PPP1R42: variants seen among roughly 807,000 people sequenced by gnomAD.
The protein encoded by PPP1R42 is protein phosphatase 1 regulatory subunit 42.
A neutral mutation model predicts 31.0 loss-of-function variants in PPP1R42; 34 were observed. The observed-to-expected ratio is 1.10, with a 90% CI of 0.83 to 1.46. PPP1R42 has a LOEUF of 1.46. PPP1R42 is among the 40% of genes most tolerant of loss of function. The pLI is 0.00. For missense variants in PPP1R42, 268 were observed against 303.0 expected (o/e 0.88, Z 0.86); for synonymous variants, 103 against 109.8 (o/e 0.94, Z 0.39).
intron 7 of PPP1R42, among the ~76,000 whole-genome samples, chr8:66,981,155 C>T (rs1297311934): frequency 6.6e-6 from 1 of 151,532 alleles, no homozygotes; most frequent in Non-Finnish European, 1.5e-5. Context: ...CTAGTCAGTT[C>T]TTGGATGCTC....
At chr8:66,996,291 A>G (rs369044359) in intron 5 of PPP1R42, among the ~76,000 whole-genome samples, 2 of 152,180 alleles carry the variant, frequency 1.3e-5, no homozygotes, top group Non-Finnish European at 2.9e-5. Context: ...AGCTCAATCA[A>G]TCCTCCTGCC....
chr8:67,001,352 T>G (rs1434694611), intron 5 of PPP1R42, among the ~76,000 whole-genome samples: 1 of 149,540 alleles, frequency 6.7e-6, no homozygotes, highest in Admixed American at 6.6e-5. Context: ...CGGTTAAGAT[T>G]GGATTTAAAA....
At chr8:66,965,565 T>TA (rs1814357106) in intron 7 of PPP1R42, among the ~76,000 whole-genome samples, 1 of 151,112 alleles carries the variant, frequency 6.6e-6, no homozygotes, top group Non-Finnish European at 1.5e-5. Flanking sequence ...CCTTCCACCC[T>TA]AGCCTCCCAA....
At chr8:67,027,479 A>G (rs1054203647) in intron 1 of PPP1R42, among the ~76,000 whole-genome samples, 1 of 152,200 alleles carries the variant, frequency 6.6e-6, no homozygotes, top group Non-Finnish European at 1.5e-5. Flanking sequence ...GAATATGGAA[A>G]AGGAGAGAAC....
chr8:66,988,139 T>A (rs1815081998), intron 6 of PPP1R42: 2 of 1,079,472 alleles, frequency 1.9e-6, no homozygotes, highest in Non-Finnish European at 2.2e-6. Flanking sequence ...CATTTATGAC[T>A]AACCATTTTT....
chr8:66,976,566 T>G (rs2130918104), intron 7 of PPP1R42, among the ~76,000 whole-genome samples: 1 of 152,230 alleles, frequency 6.6e-6, no homozygotes, highest in Non-Finnish European at 1.5e-5. Context: ...TCCCAGTCTG[T>G]AGTATCCTCG....
intron 3 of PPP1R42, among the ~76,000 whole-genome samples, chr8:67,013,810 G>T (rs148675460): frequency 9.5e-4 from 144 of 152,288 alleles, no homozygotes; most frequent in Admixed American, 1.6e-3. Flanking sequence ...CCAGTGCTCT[G>T]CATTTTTAAT....
chr8:67,004,672 G>A (rs1026410469), intron 5 of PPP1R42, among the ~76,000 whole-genome samples: 1 of 152,082 alleles, frequency 6.6e-6, no homozygotes, highest in African/African-American at 2.4e-5. Flanking sequence ...GGAAATTATA[G>A]TGGGATTTTA....
At chr8:66,996,746 A>G (rs138863286) in intron 5 of PPP1R42, among the ~76,000 whole-genome samples, 18 of 152,320 alleles carry the variant, frequency 1.2e-4, no homozygotes, top group Non-Finnish European at 1.9e-4. Context: ...GATATGATCC[A>G]TTTTGAGTAA....
intron 7 of PPP1R42, among the ~76,000 whole-genome samples, chr8:66,977,851 G>A (rs889755896): frequency 6.6e-6 from 1 of 151,994 alleles, no homozygotes; most frequent in East Asian, 1.9e-4. Flanking sequence ...GTCTTGCTTT[G>A]TTGCCCAGGC....
intron 5 of PPP1R42, among the ~76,000 whole-genome samples, chr8:67,000,663 G>A (rs1469652730): frequency 1.3e-5 from 2 of 152,196 alleles, no homozygotes; most frequent in East Asian, 1.9e-4. Context: ...TCACTATGTT[G>A]CCCAGGCTGG....
intron 7 of PPP1R42, among the ~76,000 whole-genome samples, chr8:66,965,441 TTTC>T (rs1156707251): frequency 6.6e-6 from 1 of 150,460 alleles, no homozygotes; most frequent in Non-Finnish European, 1.5e-5. Context: ...TACCTTCTTT[TTTC>T]TTTTTTTTTT....
At position 67,020,400 on chromosome 8, in the gene PPP1R42, C is replaced by T. The variant is rs534794835; in HGVS notation, c.-84-2569G>A. 4.6e-5 allele frequency among the ~76,000 whole-genome samples: 7 copies of T among 152,202 alleles called. No homozygotes were observed. The East Asian group carries it at 1.2e-3, about 25-fold the overall frequency. On this transcript the variant is annotated intron_variant, in intron 1 of 7. Transcript: ENST00000685739. The stretch of plus-strand genomic sequence containing the variant: ...ATTTTTAGTAGAGACGGGGTTTCAC[C>T]ATGTTGGCCAGGCTAGTCTCGAACT...
intron 1 of PPP1R42, among the ~76,000 whole-genome samples, chr8:67,023,068 A>C (rs190685918): frequency 7.4e-6 from 1 of 135,108 alleles, no homozygotes; most frequent in Admixed American, 7.3e-5. Flanking sequence ...CAGTAGTTAA[A>C]ATTTTTTCTT....
intron 2 of PPP1R42, 52 bp downstream of exon 2, chr8:67,017,566 TA>T: frequency 9.3e-7 from 1 of 1,073,240 alleles, no homozygotes; most frequent in Non-Finnish European, 1.3e-6. Context: ...AACCAATTCC[TA>T]AATTTTACAT....
At chr8:66,974,641 T>A (rs957181122) in intron 7 of PPP1R42, among the ~76,000 whole-genome samples, 1 of 152,186 alleles carries the variant, frequency 6.6e-6, no homozygotes, top group African/African-American at 2.4e-5. Context: ...ATTACTGACA[T>A]TGAGTATTTC....
At chr8:66,988,345 C>A in intron 6 of PPP1R42, 55 bp downstream of exon 6, 1 of 1,297,704 alleles carries the variant, frequency 7.7e-7, no homozygotes, top group Non-Finnish European at 9.8e-7. Flanking sequence ...GTAAAATAAC[C>A]AAAAAGTTAA....
intron 6 of PPP1R42, among the ~76,000 whole-genome samples, chr8:66,982,937 T>C (rs1050619875): frequency 1.3e-5 from 2 of 151,274 alleles, no homozygotes; most frequent in African/African-American, 2.4e-5. Flanking sequence ...CCACCATGCC[T>C]GGATAATTAA....
intron 5 of PPP1R42, among the ~76,000 whole-genome samples, chr8:67,008,585 G>A (rs1407329695): frequency 6.6e-6 from 1 of 151,982 alleles, no homozygotes; most frequent in African/African-American, 2.4e-5. Context: ...GCACATGCCT[G>A]TAATCCCAGC....
Sources: allele counts gnomAD v4.1 joint callset (sites outside exome capture counted in the v4.1 genomes callset), GRCh38; gene constraint gnomAD v4.1.1; transcripts MANE v1.5; gene names NCBI Gene and HGNC (gene_info 2026-07-23, HGNC 2026-07-21).